Variants in ATAD2 observed in about 807,000 individuals in gnomAD.
ATAD2 encodes ATPase family AAA domain-containing protein 2.
Under a neutral mutation model 168.9 loss-of-function variants are expected in ATAD2, and 62 were observed. The ratio of observed to expected loss-of-function variants is 0.37; its 90% CI spans 0.30 to 0.45. ATAD2 has a LOEUF of 0.45. Ranked by LOEUF, ATAD2 falls within the 20% of genes least tolerant of loss-of-function variation. The pLI, the probability that ATAD2 is intolerant of heterozygous loss-of-function variation, is 1.00. For synonymous variants in ATAD2, 613 were observed against 571.6 expected, an observed-to-expected ratio of 1.07 and a Z score of -1.03; for missense variants, 1,419 against 1,667.8, an observed-to-expected ratio of 0.85 and a Z score of 2.60.
chr8:123,322,867 C>T, intron 27 of ATAD2, 71 bp downstream of exon 27: 1 of 1,467,552 alleles, frequency 6.8e-7, no homozygotes, highest in Non-Finnish European at 9.2e-7. Context: ...AAAGCCTCAA[C>T]AATCCTACAT....
chr8:123,357,975 T>C (rs1828699495), intron 11 of ATAD2, among the ~76,000 whole-genome samples: 1 of 152,206 alleles, frequency 6.6e-6, no homozygotes, highest in Non-Finnish European at 1.5e-5. Context: ...TAACAATTCA[T>C]TCATCATGTT....
upstream of ATAD2, chr8:123,400,537 G>A (rs997409985): frequency 4.7e-5 from 20 of 425,934 alleles, no homozygotes; most frequent in Middle Eastern, 7.5e-4. The surrounding 1 kb of genome is among the most constrained non-coding windows in gnomAD (Gnocchi z 4.5). Context: ...GCTGGCAGCC[G>A]AGCGGGTGTT....
chr8:123,348,406 G>GT, intron 14 of ATAD2, 133 bp from the exon 15 acceptor site: 1 of 628,050 alleles, frequency 1.6e-6, no homozygotes, highest in Middle Eastern at 4.7e-4. Flanking sequence ...GCCGGGTGCG[G>GT]TGGCTCACAC....
intron 1 of ATAD2, among the ~76,000 whole-genome samples, chr8:123,410,944 C>A (rs1222395410): frequency 6.6e-6 from 1 of 152,236 alleles, no homozygotes; most frequent in East Asian, 1.9e-4. Context: ...TCGAGCTGAA[C>A]ACTAGTCACT....
chr8:123,415,472 G>A (rs904910513), intron 1 of ATAD2, among the ~76,000 whole-genome samples: 2 of 152,166 alleles, frequency 1.3e-5, no homozygotes, highest in African/African-American at 2.4e-5. Context: ...TTTTTATAAT[G>A]GGAAGTACCC....
At chr8:123,332,754 T>G (rs187020338) in intron 24 of ATAD2, among the ~76,000 whole-genome samples, 1 of 152,200 alleles carries the variant, frequency 6.6e-6, no homozygotes, top group Non-Finnish European at 1.5e-5. Flanking sequence ...TATTGCTTCT[T>G]TGAATATTCT....
In ATAD2 at chr8:123,396,414, C is replaced by T; in HGVS notation, c.-57G>A. On this transcript the variant is annotated 5_prime_UTR_variant, in exon 1 of 28. Transcript: ENST00000287394. The stretch of plus-strand genomic sequence containing the variant: ...CCGGAGAGAGATCCAGCTCCAGGCG[C>T]TCGCAGCTCTGGCTCTTCCGCGCTC... 2.1e-6 allele frequency: 3 copies of T among 1,457,286 alleles called. No homozygotes were observed. The highest frequency in any genetic ancestry group is 2.4e-4 in the Middle Eastern group (1 of 4,186). 90.3% of individuals were successfully genotyped at this position (1,457,286 alleles called of 1,614,324 possible).
At chr8:123,333,247 A>C (rs2131292477) in intron 24 of ATAD2, among the ~76,000 whole-genome samples, 1 of 148,212 alleles carries the variant, frequency 6.7e-6, no homozygotes, top group African/African-American at 2.5e-5. Flanking sequence ...AAAAAAAAAA[A>C]AAAAAAAAAA....
At chr8:123,325,827 T>C in intron 26 of ATAD2, 66 bp downstream of exon 26, 1 of 1,571,472 alleles carries the variant, frequency 6.4e-7, no homozygotes, top group Non-Finnish European at 8.7e-7. Flanking sequence ...ATGCTACTAG[T>C]CACAAGCCAG....
Position 123,396,317 on chromosome 8 carries a change from G to T in ATAD2, c.41C>A (p.Ser14Tyr). The change falls in exon 1 of 28, where the codon TCC becomes TAC. Residue 14 changes from serine to tyrosine, a missense_variant. Around this residue, in one of 5 missense-constraint regions of ATAD2, gnomAD observed 419 missense variants for 423.5 expected, o/e 0.99. Transcript: ENST00000287394. ...LRSSLELHNH[S>Y]AASATGSLDL... ...CAAGGAGCCCGTGGCCGAGGCCGCG[G>T]AGTGGTTGTGCAGCTCCAAGCTGCT... 6.2e-7 allele frequency: 1 copy of T among 1,608,410 alleles called. No homozygotes were observed.
rs1451685533 is a variant in ATAD2, at chr8:123,402,834, AATAAT to A, written c.-2281-1664_-2281-1660del. Among the ~76,000 whole-genome samples the A allele has an allele frequency of 3.4e-4, 51 of 150,908 alleles. No individual in the cohort carries two copies. Among genetic ancestry groups the A allele is most frequent in the African/African-American group, 1.1e-3 (47 of 41,070 alleles). ...CAATGCCAATAATAATAATAATAAT[AATAAT>A]AATAAAAATCAACACACTACACACA... is the stretch of plus-strand genomic sequence containing the variant. On this transcript the variant is annotated intron_variant, in intron 1 of 28. Coordinates refer to the ATAD2 transcript ENST00000521903. This position sits in a 1 kb window ranked among gnomAD's most constrained non-coding sequence, Gnocchi z 4.8.
In ATAD2 at chr8:123,347,083, G is replaced by A. The variant is rs780834646; in HGVS notation, c.2212+9C>T. 3 of 1,597,356 alleles carry A rather than the reference G, an allele frequency of 1.9e-6. No homozygotes were observed. In the African/African-American group the frequency reaches 4.0e-5, roughly 22 times the overall value. On this transcript the variant is annotated intron_variant, in intron 16 of 27. Transcript: ENST00000287394. ...AAACTAACTTTAAATGGTCAATCAA[G>A]TTTTATACCTGAGTCTAATGTTTTA... is the stretch of plus-strand genomic sequence containing the variant.
intron 1 of ATAD2, among the ~76,000 whole-genome samples, chr8:123,381,406 T>G (rs774357250): frequency 6.6e-6 from 1 of 151,912 alleles, no homozygotes; most frequent in African/African-American, 2.4e-5. Flanking sequence ...TAGGCTGAAA[T>G]GGGAGGATGA....
At chr8:123,378,780 GTTTA>G (rs1219120220) in intron 2 of ATAD2, among the ~76,000 whole-genome samples, 1 of 144,372 alleles carries the variant, frequency 6.9e-6, no homozygotes, top group Non-Finnish European at 1.5e-5. Flanking sequence ...ATTACAAATT[GTTTA>G]TTTATGAGAA....
In ATAD2 at chr8:123,334,006, T is replaced by A; in HGVS notation, c.3350A>T (p.Lys1117Ile). The A allele has an allele frequency of 6.2e-7, 1 of 1,613,910 alleles. No individual in the cohort carries two copies. The highest frequency in any genetic ancestry group is 8.5e-7 in the Non-Finnish European group (1 of 1,179,904). ...CACATGGTAGTAAGACGGGGCATAT[T>A]TGGAGGAGCTACAACCTTATAAATA... ...SRKKRGCSSS[K>I]YAPSYYHVMP... Residue 1117 changes from lysine (K) to isoleucine (I), a missense_variant, in exon 24 of 28, where the codon AAA (lysine) becomes ATA (isoleucine). Lys to Ile is a moderately radical substitution (Grantham distance 102). Coordinates refer to ENST00000287394, the MANE Select transcript of ATAD2 (RefSeq NM_014109.4).
At chr8:123,411,636 C>T (rs139550097) in intron 1 of ATAD2, among the ~76,000 whole-genome samples, 3,082 of 152,154 alleles carry the variant, frequency 0.02, 104 homozygotes, top group African/African-American at 0.069. Context: ...GAGAGCACAG[C>T]GGGAGGGACA....
At chr8:123,407,943 C>T (rs969324866) in intron 1 of ATAD2, among the ~76,000 whole-genome samples, 2 of 152,036 alleles carry the variant, frequency 1.3e-5, no homozygotes, top group African/African-American at 2.4e-5. Flanking sequence ...GCTACAGAAA[C>T]GAGGCTCAGG....
Position 123,370,980 on chromosome 8 carries a change from T to A in ATAD2, c.650A>T (p.Asn217Ile), listed in dbSNP as rs1448346950. The change falls in exon 6 of 28, where the codon AAT becomes ATT. Residue 217 changes from asparagine to isoleucine, a missense_variant. Asn to Ile is a moderately radical substitution (Grantham distance 149). Coordinates refer to ENST00000287394, the MANE Select transcript of ATAD2 (RefSeq NM_014109.4). ...TTTCTGTTTTCCTCTTGTGTACATATTAAGATTGCTCTAAAAATGTTTAAA... is the reference window on the plus strand; with the variant it reads ...TTTCTGTTTTCCTCTTGTGTACATAATAAGATTGCTCTAAAAATGTTTAAA... ...VFNETEESNLNMYTRGKQKDI... is the reference protein window; with the variant it reads ...VFNETEESNLIMYTRGKQKDI... The A allele has an allele frequency of 6.3e-7, 1 of 1,578,468 alleles. No individual in the cohort carries two copies. The highest frequency in any genetic ancestry group is 1.4e-5 in the African/African-American group (1 of 73,312).
At chr8:123,381,327 C>A (rs1829487199) in intron 1 of ATAD2, among the ~76,000 whole-genome samples, 1 of 151,986 alleles carries the variant, frequency 6.6e-6, no homozygotes, top group African/African-American at 2.4e-5. Context: ...GGCAAAACCC[C>A]ATCTCTACTA....
Sources: gnomAD v4.1 joint callset for allele counts (sites outside exome capture counted in the v4.1 genomes callset) on GRCh38, gnomAD v4.1.1 for gene constraint, gnomAD v4.1.1 regional missense constraint, Gnocchi (gnomAD v3.1) non-coding constraint, MANE v1.5 for transcripts, NCBI Gene and HGNC (gene_info 2026-07-23, HGNC 2026-07-21) for gene names.